Variants in MARCHF4 observed in about 807,000 individuals in gnomAD.
MARCHF4 encodes E3 ubiquitin-protein ligase MARCHF4.
In MARCHF4, 14 loss-of-function variants were observed where a neutral mutation model predicts 43.9. The observed-to-expected ratio is 0.32, with a 90% CI of 0.21 to 0.50. MARCHF4 has a LOEUF of 0.50. MARCHF4 is among the 20% of genes least tolerant of loss of function. The pLI, the probability that MARCHF4 is intolerant of heterozygous loss-of-function variation, is 0.98. For synonymous variants in MARCHF4, 226 were observed against 213.3 expected (o/e 1.06, Z -0.52); for missense variants, 468 against 536.7 (o/e 0.87, Z 1.27).
At chr2:216,316,528 T>C (rs1691779474) in intron 1 of MARCHF4, among the ~76,000 whole-genome samples, 1 of 151,512 alleles carries the variant, frequency 6.6e-6, no homozygotes, top group South Asian at 2.1e-4. Flanking sequence ...CTTGAAGAAA[T>C]GAAATAGGTC....
At chr2:216,321,588 G>A (rs1395676622) in intron 1 of MARCHF4, 1 of 152,130 alleles carries the variant, frequency 6.6e-6, no homozygotes, top group African/African-American at 2.4e-5. Context: ...GCGGAAACCT[G>A]AATCTTGTTA....
intron 1 of MARCHF4, among the ~76,000 whole-genome samples, chr2:216,345,885 T>C (rs747244926): frequency 6.6e-6 from 1 of 152,032 alleles, no homozygotes; most frequent in Non-Finnish European, 1.5e-5. Context: ...ACCCACCCCA[T>C]GTAAAATCAA....
At position 216,281,163 on chromosome 2, in the gene MARCHF4, T is replaced by C. The variant is rs192932459; in HGVS notation, c.672+2411A>G. 4.7e-5 allele frequency among the ~76,000 whole-genome samples: 7 copies of C among 150,474 alleles called. No homozygotes were observed. In the East Asian group the frequency reaches 7.9e-4, roughly 17 times the overall value. ...AGCTCACTACAACCTAGACCTCTTG[T>C]GCTCAAATAATCCTCCCACCTCAGC... On this transcript the variant is annotated intron_variant, in intron 2 of 3. Transcript: ENST00000273067.
At chr2:216,304,190 T>G (rs922413812) in intron 1 of MARCHF4, among the ~76,000 whole-genome samples, 1 of 152,222 alleles carries the variant, frequency 6.6e-6, no homozygotes, top group Admixed American at 6.5e-5. Context: ...TCCTCATGCA[T>G]CTTAACTTTT....
Position 216,266,679 on chromosome 2 carries a change from C to T in MARCHF4, c.866-7000G>A, listed in dbSNP as rs74554295. On this transcript the variant is annotated intron_variant, in intron 3 of 3. Transcript: ENST00000273067. ...GTCTCACTCTGAAGCCCTACCATTGCCAACCACCCATCTTCCAGATTCCAC... is the reference window on the plus strand; with the variant it reads ...GTCTCACTCTGAAGCCCTACCATTGTCAACCACCCATCTTCCAGATTCCAC... 5.2e-4 allele frequency among the ~76,000 whole-genome samples: 79 copies of T among 152,288 alleles called. No homozygotes were observed. In the East Asian group the frequency reaches 0.015, roughly 29 times the overall value.
chr2:216,298,290 G>C (rs1485052630), intron 1 of MARCHF4, among the ~76,000 whole-genome samples: 1 of 110,288 alleles, frequency 9.1e-6, no homozygotes, highest in African/African-American at 3.7e-5. Context: ...TTTTTTACAG[G>C]GTCTGACTCT....
chr2:216,357,890 A>G (rs1366482669), intron 1 of MARCHF4, among the ~76,000 whole-genome samples: 5 of 152,218 alleles, frequency 3.3e-5, no homozygotes. Context: ...ATGGTTGGGT[A>G]TATTTAGTTT....
chr2:216,364,693 G>A (rs1574489174), intron 1 of MARCHF4, among the ~76,000 whole-genome samples: 2 of 152,202 alleles, frequency 1.3e-5, no homozygotes, highest in Admixed American at 6.5e-5. Context: ...GATATGGACA[G>A]AGCTTGGACA....
At chr2:216,287,009 G>A (rs973018105) in intron 1 of MARCHF4, among the ~76,000 whole-genome samples, 43 of 152,130 alleles carry the variant, frequency 2.8e-4, no homozygotes, top group African/African-American at 9.4e-4. Flanking sequence ...AAGGTCACAC[G>A]GGCGTCAGAC....
chr2:216,317,044 T>G (rs1474219032), intron 1 of MARCHF4, among the ~76,000 whole-genome samples: 3 of 152,102 alleles, frequency 2.0e-5, no homozygotes, highest in Admixed American at 2.0e-4. Context: ...TTCTCCAACC[T>G]TCTAACCTCT....
intron 1 of MARCHF4, among the ~76,000 whole-genome samples, chr2:216,341,555 G>A (rs1366068699): frequency 6.6e-6 from 1 of 152,184 alleles, no homozygotes; most frequent in Non-Finnish European, 1.5e-5. Flanking sequence ...TGGTTTTAAG[G>A]GCATAAGGCA....
intron 1 of MARCHF4, among the ~76,000 whole-genome samples, chr2:216,290,620 G>C (rs1163961911): frequency 6.6e-6 from 1 of 152,114 alleles, no homozygotes; most frequent in African/African-American, 2.4e-5. Flanking sequence ...CAGACTGGAG[G>C]GAAATAAGGG....
At chr2:216,277,270 C>T (rs1271708182) in intron 3 of MARCHF4, among the ~76,000 whole-genome samples, 1 of 152,120 alleles carries the variant, frequency 6.6e-6, no homozygotes, top group Non-Finnish European at 1.5e-5. Flanking sequence ...ATGGCTGTCT[C>T]TAGGTAGTTT....
chr2:216,311,627 T>C (rs1477671887), intron 1 of MARCHF4, among the ~76,000 whole-genome samples: 1 of 152,216 alleles, frequency 6.6e-6, no homozygotes, highest in Non-Finnish European at 1.5e-5. Context: ...AACCACAGTT[T>C]GAACATTTTT....
intron 1 of MARCHF4, among the ~76,000 whole-genome samples, chr2:216,297,878 G>A (rs1250983812): frequency 6.6e-6 from 1 of 152,124 alleles, no homozygotes; most frequent in East Asian, 1.9e-4. Flanking sequence ...AACTCAAGAG[G>A]GCACCTGCCC....
intron 3 of MARCHF4, among the ~76,000 whole-genome samples, chr2:216,276,960 A>G (rs2105937527): frequency 6.6e-6 from 1 of 152,220 alleles, no homozygotes; most frequent in East Asian, 1.9e-4. Context: ...GATCTATAGC[A>G]GTAGGTTCCA....
chr2:216,365,508 G>A (rs1261692124), intron 1 of MARCHF4, among the ~76,000 whole-genome samples: 2 of 152,174 alleles, frequency 1.3e-5, no homozygotes, highest in African/African-American at 2.4e-5. Context: ...GTGCCTGGAG[G>A]TTGCTCCACA....
intron 1 of MARCHF4, among the ~76,000 whole-genome samples, chr2:216,347,824 C>CTTT (rs201604123): frequency 7.2e-6 from 1 of 139,638 alleles, no homozygotes; most frequent in Non-Finnish European, 1.6e-5. Context: ...GCACAGGGTT[C>CTTT]TTTTTTTTTT....
chr2:216,354,402 G>T (rs535887885), intron 1 of MARCHF4, among the ~76,000 whole-genome samples: 1 of 152,158 alleles, frequency 6.6e-6, no homozygotes, highest in East Asian at 1.9e-4. Flanking sequence ...GCAAGTCCAC[G>T]TGGGGTCCTT....
Sources: allele counts gnomAD v4.1 joint callset (sites outside exome capture counted in the v4.1 genomes callset), GRCh38; gene constraint gnomAD v4.1.1; transcripts MANE v1.5; gene names NCBI Gene and HGNC (gene_info 2026-07-23, HGNC 2026-07-21).